SLC14A2: variants seen among roughly 807,000 people sequenced by gnomAD.
SLC14A2 encodes the protein solute carrier family 14 member 2.
SLC14A2 carries 91 observed loss-of-function variants against 104.6 expected under a neutral mutation model. That is an observed-to-expected ratio of 0.87 (90% CI 0.73 to 1.04). The LOEUF is 1.04. Among genes scored for constraint, SLC14A2 ranks in the 50% least tolerant of loss-of-function variants. SLC14A2 has a pLI of 0.00. For synonymous variants in SLC14A2, 476 were observed against 466.4 expected, an observed-to-expected ratio of 1.02 and a Z score of -0.27; for missense variants, 1,189 against 1,156.0, an observed-to-expected ratio of 1.03 and a Z score of -0.41.
intron 2 of SLC14A2, among the ~76,000 whole-genome samples, chr18:45,509,987 A>G (rs2043341986): frequency 6.6e-6 from 1 of 152,184 alleles, no homozygotes; most frequent in Non-Finnish European, 1.5e-5. Context: ...GGGGTTGCCC[A>G]TAATCCTACC....
At chr18:45,262,056 C>G (rs1206855204) in intron 1 of SLC14A2, among the ~76,000 whole-genome samples, 1 of 152,212 alleles carries the variant, frequency 6.6e-6, no homozygotes, top group Admixed American at 6.5e-5. Context: ...TCTCCACATC[C>G]TCTCCAGCAC....
chr18:45,516,462 A>AT (rs1269982211), intron 2 of SLC14A2, among the ~76,000 whole-genome samples: 1 of 152,146 alleles, frequency 6.6e-6, no homozygotes, highest in Non-Finnish European at 1.5e-5. Flanking sequence ...CAGATCTGTG[A>AT]TTTTTCAAGT....
At chr18:45,480,730 C>T (rs971382755) in intron 1 of SLC14A2, among the ~76,000 whole-genome samples, 1 of 152,190 alleles carries the variant, frequency 6.6e-6, no homozygotes, top group African/African-American at 2.4e-5. Flanking sequence ...ATTAGAGGCA[C>T]CAAGCATCTT....
At chr18:45,606,698 A>T (rs1178223985) in intron 2 of SLC14A2, among the ~76,000 whole-genome samples, 1 of 150,514 alleles carries the variant, frequency 6.6e-6, no homozygotes. Flanking sequence ...CACCTTCTAA[A>T]TTTTACCTAA....
chr18:45,601,180 C>A (rs1018603911), intron 2 of SLC14A2, among the ~76,000 whole-genome samples: 2 of 152,224 alleles, frequency 1.3e-5, no homozygotes, highest in Non-Finnish European at 2.9e-5. Flanking sequence ...CGCGGCCCAA[C>A]CTACAGCTTC....
At chr18:45,409,222 A>G (rs1396654146) in intron 1 of SLC14A2, among the ~76,000 whole-genome samples, 1 of 152,186 alleles carries the variant, frequency 6.6e-6, no homozygotes, top group African/African-American at 2.4e-5. Context: ...TGTAGACATA[A>G]TCTACTGCAA....
chr18:45,306,126 C>T (rs994603055), intron 1 of SLC14A2, among the ~76,000 whole-genome samples: 3 of 152,104 alleles, frequency 2.0e-5, no homozygotes, highest in Non-Finnish European at 2.9e-5. Flanking sequence ...AGAGTAGAAG[C>T]CCATTATGAG....
At position 45,410,700 on chromosome 18, in the gene SLC14A2, C is replaced by T. The variant is rs988191215; in HGVS notation, c.-124-72533C>T. Among the ~76,000 whole-genome samples, 4 of 152,240 alleles carry T rather than the reference C, an allele frequency of 2.6e-5. No homozygotes were observed. The South Asian group carries it at 8.3e-4, about 32-fold the overall frequency. ...CTCCCTAAAATGTATTTGTGACCCC[C>T]AAATCAATAATCCAGTGTTTCCACA... On this transcript the variant is annotated intron_variant, in intron 1 of 20. Coordinates refer to the SLC14A2 transcript ENST00000586448.
chr18:45,428,764 T>G (rs911010702), intron 1 of SLC14A2, among the ~76,000 whole-genome samples: 2 of 152,202 alleles, frequency 1.3e-5, no homozygotes, highest in Non-Finnish European at 2.9e-5. Context: ...CCTGTCCCAC[T>G]TACTACCCAA....
At chr18:45,525,947 C>T (rs2043589253) in intron 2 of SLC14A2, among the ~76,000 whole-genome samples, 1 of 152,120 alleles carries the variant, frequency 6.6e-6, no homozygotes, top group Non-Finnish European at 1.5e-5. Context: ...TAACAAATCT[C>T]AGCAAAATCA....
chr18:45,452,779 C>T (rs1301961062), intron 1 of SLC14A2, among the ~76,000 whole-genome samples: 1 of 152,116 alleles, frequency 6.6e-6, no homozygotes, highest in African/African-American at 2.4e-5. Flanking sequence ...GGTAAGGTCA[C>T]ACACATAAAA....
chr18:45,549,046 C>T (rs2044015679), intron 2 of SLC14A2, among the ~76,000 whole-genome samples: 2 of 152,228 alleles, frequency 1.3e-5, no homozygotes, highest in African/African-American at 4.8e-5. Flanking sequence ...AAGGCTAGCG[C>T]CTCCTCCATC....
intron 9 of SLC14A2, among the ~76,000 whole-genome samples, 195 bp from the exon 10 acceptor site, chr18:45,643,791 A>T (rs992922374): frequency 3.9e-5 from 6 of 152,200 alleles, no homozygotes; most frequent in African/African-American, 1.4e-4. Flanking sequence ...TGCTGGTATT[A>T]CAGGCATGAG....
At chr18:45,672,855 C>T (rs758477115) in intron 16 of SLC14A2, 45 bp from the exon 17 acceptor site, 1 of 1,568,582 alleles carries the variant, frequency 6.4e-7, no homozygotes, top group Non-Finnish European at 8.7e-7. Context: ...GTCAAGTTGT[C>T]TCTTTTGCCT....
intron 1 of SLC14A2, among the ~76,000 whole-genome samples, chr18:45,304,774 A>G (rs932721952): frequency 3.9e-5 from 6 of 152,192 alleles, no homozygotes; most frequent in African/African-American, 1.4e-4. Context: ...AACAGTCAGG[A>G]TATAGCCCCA....
At chr18:45,180,618 T>C in the SLC14A2 span, among the ~76,000 whole-genome samples, 5 of 152,118 alleles carry the variant, frequency 3.3e-5, no homozygotes, top group Admixed American at 1.3e-4. Flanking sequence ...TCAGTTTATA[T>C]TTTAAAGGAA....
chr18:45,612,768 C>T (rs2044993223), upstream of SLC14A2, among the ~76,000 whole-genome samples: 1 of 152,154 alleles, frequency 6.6e-6, no homozygotes, highest in African/African-American at 2.4e-5. Flanking sequence ...CAAAGTCGGA[C>T]CCAGTAGGAG....
At chr18:45,625,594 T>C (rs2045244442) in intron 2 of SLC14A2, 89 bp from the exon 3 acceptor site, 1 of 1,075,582 alleles carries the variant, frequency 9.3e-7, no homozygotes, top group Non-Finnish European at 1.3e-6. Flanking sequence ...TTTATTTTTA[T>C]CAAAAAACCT....
At chr18:45,639,661 C>G (rs867780412) in intron 6 of SLC14A2, 85 bp from the exon 7 acceptor site, 2 of 1,370,274 alleles carry the variant, frequency 1.5e-6, no homozygotes, top group East Asian at 2.3e-5. Context: ...ATTACTCCCC[C>G]GAGGAATGGC....
Sources: allele counts gnomAD v4.1 joint callset (sites outside exome capture counted in the v4.1 genomes callset), GRCh38; gene constraint gnomAD v4.1.1; transcripts MANE v1.5; gene names NCBI Gene and HGNC (gene_info 2026-07-23, HGNC 2026-07-21).